The following NOTCH1 variants were observed in gnomAD, a reference collection of about 807,000 sequenced individuals.
NOTCH1 encodes the protein neurogenic locus notch homolog protein 1.
In NOTCH1, 37 loss-of-function variants were observed where a neutral mutation model predicts 254.8. The ratio of observed to expected loss-of-function variants is 0.15; its 90% CI spans 0.11 to 0.19. NOTCH1 has a LOEUF of 0.19. Among genes scored for constraint, NOTCH1 ranks in the 10% least tolerant of loss-of-function variants. The pLI is 1.00. For missense variants in NOTCH1, 2,972 were observed against 3,708.6 expected (o/e 0.80, Z 5.16); for synonymous variants, 1,731 against 1,618.1 (o/e 1.07, Z -1.68).
rs1353579181 is a variant in NOTCH1, at chr9:136,501,921, G to C, written c.5473-8C>G. 7 of 1,611,454 alleles carry C rather than the reference G, an allele frequency of 4.3e-6. No homozygotes were observed. The highest frequency in any genetic ancestry group is 1.3e-5 in the African/African-American group (1 of 74,948). On this transcript the variant is annotated splice_polypyrimidine_tract_variant and splice_region_variant and intron_variant, in intron 29 of 33. Transcript: ENST00000651671. The stretch of plus-strand genomic sequence containing the variant: ...AACCACGGGCTCCTCGAACTACATA[G>C]AGGGAGTGAGCAGAGCCTGTCAGGG...
chr9:136,512,708 G>C (rs1451423086), intron 15 of NOTCH1, among the ~76,000 whole-genome samples: 6 of 152,206 alleles, frequency 3.9e-5, no homozygotes, highest in Admixed American at 3.9e-4. Flanking sequence ...TCTTGCGGCA[G>C]GCTTGCCAGG....
At chr9:136,504,047 C>A (rs1170888468) in intron 26 of NOTCH1, among the ~76,000 whole-genome samples, 1 of 151,228 alleles carries the variant, frequency 6.6e-6, no homozygotes. Flanking sequence ...AACTGCAAGG[C>A]CCAGCAATGC....
chr9:136,500,867 T>C lies in NOTCH1; in HGVS notation c.5639-20A>G, dbSNP rs1589055626. ...AGCCATCTGCAGAGGCAGAGACGGG[T>C]GCTCAGTCTGGAGGGCCGGTCCCCA... On this transcript the variant is annotated intron_variant, in intron 30 of 33. Transcript: ENST00000651671. The C allele has an allele frequency of 6.4e-7, 1 of 1,571,416 alleles. No individual in the cohort carries two copies. The highest frequency in any genetic ancestry group is 1.1e-5 in the South Asian group (1 of 88,760).
rs759344174 is a variant in NOTCH1 at position 136,498,930 on chromosome 9, T to C, written c.6149A>G (p.Asn2050Ser). ...NVDAAVVLLK[N>S]GANKDMQNNR... ...GTTCTGCATATCTTTGTTAGCCCCG[T>C]TCTTCAGGAGCACAACTGCGGCATC... The change falls in exon 33 of 34, where the codon AAC becomes AGC. Residue 2050 changes from asparagine (N) to serine (S), a missense_variant. Asn to Ser is a conservative substitution (Grantham distance 46). Coordinates refer to ENST00000651671, the MANE Select transcript of NOTCH1 (RefSeq NM_017617.5). The C allele has an allele frequency of 1.6e-5, 26 of 1,613,576 alleles. No individual in the cohort carries two copies. The highest frequency in any genetic ancestry group is 8.3e-5 in the Admixed American group (5 of 60,012).
At chr9:136,501,672 C>T (rs2133328202) in intron 30 of NOTCH1, 76 bp downstream of exon 30, 1 of 1,559,442 alleles carries the variant, frequency 6.4e-7, no homozygotes, top group Non-Finnish European at 8.7e-7. Context: ...ATCAACTGTA[C>T]CCCAGCCTCG....
chr9:136,513,685 G>T lies in NOTCH1; in HGVS notation c.2208-148C>A. ...GTCCTTTAGTGGGGGCAGGCTGGGCGCTGTGGCTCACACCTGTAATCCCAG... is the reference window on the plus strand; with the variant it reads ...GTCCTTTAGTGGGGGCAGGCTGGGCTCTGTGGCTCACACCTGTAATCCCAG... On this transcript the variant is annotated intron_variant, in intron 13 of 33. Transcript: ENST00000651671. The surrounding 1 kb of genome is among the most constrained non-coding windows in gnomAD (Gnocchi z 4.7). The T allele has an allele frequency of 1.2e-6, 1 of 858,600 alleles. No individual in the cohort carries two copies. Among genetic ancestry groups the T allele is most frequent in the Non-Finnish European group, 1.8e-6 (1 of 544,126 alleles). 53.2% of individuals were successfully genotyped at this position (858,600 alleles called of 1,614,324 possible). A position where few individuals can be genotyped will look rare whatever the true frequency, so the allele number is the denominator to read the frequency against.
chr9:136,515,952 C>A (rs1204073398), intron 10 of NOTCH1, 29 bp downstream of exon 10: 1 of 1,564,434 alleles, frequency 6.4e-7, no homozygotes, highest in Non-Finnish European at 8.7e-7. Flanking sequence ...GTCCCCAGTC[C>A]CTCCCCGCTG....
chr9:136,517,504 G>GC, intron 8 of NOTCH1, 119 bp from the exon 9 acceptor site: 1 of 841,156 alleles, frequency 1.2e-6, no homozygotes, highest in Non-Finnish European at 1.9e-6. Context: ...GCCACCACGG[G>GC]CCCCCTGCGC....
chr9:136,496,709 G>A lies in NOTCH1; in HGVS notation c.7030C>T (p.His2344Tyr). 1 of 1,612,874 alleles carries A rather than the reference G, an allele frequency of 6.2e-7. No individual in the cohort carries two copies. The highest frequency in any genetic ancestry group is 1.1e-5 in the South Asian group (1 of 91,078). The change falls in exon 34 of 34, where the codon CAT (histidine) becomes TAT (tyrosine). Residue 2344 changes from histidine (H) to tyrosine (Y), a missense_variant. Physicochemically the swap from His to Tyr is moderately conservative, Grantham distance 83. Transcript: ENST00000651671. The stretch of plus-strand genomic sequence containing the variant: ...CTGTGCAGCGGGCCTACCATGCCAT[G>A]CTGCAGGGAGGGGGCCTGTGTGCTC... ...PLSTQAPSLQ[H>Y]GMVGPLHSSL...
chr9:136,542,609 T>C (rs1468903700), intron 2 of NOTCH1, among the ~76,000 whole-genome samples: 2 of 150,134 alleles, frequency 1.3e-5, no homozygotes, highest in Admixed American at 1.3e-4. Flanking sequence ...ACAATCGGCT[T>C]TGTCCATTAA....
rs10685223 is a variant in NOTCH1 at position 136,506,383 on chromosome 9, TAAAA to T, written c.4014+140_4014+143del. 3 of 609,492 alleles carry T rather than the reference TAAAA, an allele frequency of 4.9e-6. No homozygotes were observed. The highest frequency in any genetic ancestry group is 2.8e-5 in the East Asian group (1 of 35,348). 37.8% of individuals were successfully genotyped at this position (609,492 alleles called of 1,614,324 possible). Reference sequence around the variant, plus strand: ...TGTCTCTAAAATCATTTATTGAAACTAAAAAAAAAAAAAAGACATCAGGGTGAGG... The same window carrying T: ...TGTCTCTAAAATCATTTATTGAAACTAAAAAAAAAAGACATCAGGGTGAGG... On this transcript the variant is annotated intron_variant, in intron 24 of 33. Coordinates refer to ENST00000651671, the MANE Select transcript of NOTCH1 (RefSeq NM_017617.5). The surrounding 1 kb of genome is among the most constrained non-coding windows in gnomAD (Gnocchi z 4.5).
rs777768691 is a variant in NOTCH1 at position 136,505,522 on chromosome 9, C to T, written c.4374G>A (p.Ala1458=). Residue 1458 remains alanine, a synonymous_variant, in exon 25 of 34, where the codon GCG becomes GCA. Coordinates refer to ENST00000651671, the MANE Select transcript of NOTCH1 (RefSeq NM_017617.5). ...ACTGCAGGCTGCAGACCTTGTTGCC[C>T]GCGTCCTCCTGGCACTCGGGCAGCT... The part of the protein sequence containing the change: ...ACELPECQED[A]GNKVCSLQCN... 35 of 1,612,376 alleles carry T rather than the reference C, an allele frequency of 2.2e-5. No individual in the cohort carries two copies. Among genetic ancestry groups the T allele is most frequent in the South Asian group, 5.5e-5 (5 of 91,078 alleles).
At chr9:136,520,576 A>G (rs1275656554) in intron 4 of NOTCH1, among the ~76,000 whole-genome samples, 1 of 152,152 alleles carries the variant, frequency 6.6e-6, no homozygotes, top group African/African-American at 2.4e-5. Flanking sequence ...TCTACAAAAA[A>G]AAATACAAGA....
rs1422526202 is a variant in NOTCH1, at chr9:136,545,760, G to C, written c.27C>G (p.Leu9=). 5 of 1,376,238 alleles carry C rather than the reference G, an allele frequency of 3.6e-6. No homozygotes were observed. The highest frequency in any genetic ancestry group is 6.1e-5 in the Admixed American group (2 of 32,536). 85.3% of individuals were successfully genotyped at this position (1,376,238 alleles called of 1,614,324 possible). The change falls in exon 1 of 34, where the codon CTC becomes CTG. Residue 9 remains leucine, a synonymous_variant. Coordinates refer to ENST00000651671, the MANE Select transcript of NOTCH1 (RefSeq NM_017617.5). The surrounding 1 kb of genome is among the most constrained non-coding windows in gnomAD (Gnocchi z 6.8). The part of the protein sequence containing the change: MPPLLAPL[L]CLALLPALAA... ...CGAGCGCGGGCAGCAGCGCCAGGCA[G>C]AGCAGGGGCGCCAGGAGCGGCGGCA...
chr9:136,536,959 C>A (rs543735828), intron 2 of NOTCH1, among the ~76,000 whole-genome samples: 1 of 152,354 alleles, frequency 6.6e-6, no homozygotes, highest in East Asian at 1.9e-4. Flanking sequence ...CTCCTGGGGG[C>A]TAAGGGATGC....
Position 136,497,743 on chromosome 9 carries a change from G to C in NOTCH1, c.6181-185C>G, listed in dbSNP as rs1842940514. Among the ~76,000 whole-genome samples, 5 of 152,170 alleles carry C rather than the reference G, an allele frequency of 3.3e-5. No individual in the cohort carries two copies. In the South Asian group the frequency reaches 1.0e-3, roughly 31 times the overall value. ...TAGCCTGACTCTTGTTAAATGTTAA[G>C]GCTTTGATACATCTTCTGAAACCCA... On this transcript the variant is annotated intron_variant, in intron 33 of 33. Coordinates refer to ENST00000651671, the MANE Select transcript of NOTCH1 (RefSeq NM_017617.5).
chr9:136,510,443 C>T lies in NOTCH1; in HGVS notation c.2740+210G>A, dbSNP rs11145766. On this transcript the variant is annotated intron_variant, in intron 17 of 33. Coordinates refer to ENST00000651671, the MANE Select transcript of NOTCH1 (RefSeq NM_017617.5). ...GGGAGGGGCTCTCGTGACTCTTCCG[C>T]GAAGTGCAGGGAGGAGCAAGCCGGC... 70,343 of 639,670 alleles carry T rather than the reference C, an allele frequency of 0.11. 4,609 individuals carry two copies. Among genetic ancestry groups the T allele is most frequent in the African/African-American group, 0.19 (10,698 of 55,160 alleles). The allele number at this position is 639,670 out of a possible 1,614,324, so 39.6% of individuals were successfully genotyped here.
chr9:136,502,892 T>G, intron 27 of NOTCH1: 1 of 634,996 alleles, frequency 1.6e-6, no homozygotes, highest in Non-Finnish European at 2.9e-6. Context: ...CCGTAATGAT[T>G]TTGAAATAAT....
intron 2 of NOTCH1, among the ~76,000 whole-genome samples, chr9:136,541,598 C>G (rs991375123): frequency 5.6e-4 from 85 of 152,254 alleles, no homozygotes; most frequent in African/African-American, 2.0e-3. Context: ...TGGCTAACTC[C>G]TGGACAGACC....
Sources: gnomAD v4.1 joint callset for allele counts (sites outside exome capture counted in the v4.1 genomes callset) on GRCh38, gnomAD v4.1.1 for gene constraint, Gnocchi (gnomAD v3.1) non-coding constraint, MANE v1.5 for transcripts, NCBI Gene and HGNC (gene_info 2026-07-23, HGNC 2026-07-21) for gene names.